The following CYP7B1 variants were observed in gnomAD, a reference collection of about 807,000 sequenced individuals.
The protein encoded by CYP7B1 is cytochrome P450 7B1.
Under a neutral mutation model 42.7 loss-of-function variants are expected in CYP7B1, and 29 were observed. The ratio of observed to expected loss-of-function variants is 0.68; its 90% CI spans 0.51 to 0.93. The LOEUF (loss-of-function observed/expected upper bound fraction) is 0.93. CYP7B1 is among the 40% of genes least tolerant of loss of function. The pLI is 0.00. For missense variants in CYP7B1, 655 were observed against 600.5 expected (o/e 1.09, Z -0.95); for synonymous variants, 235 against 218.2 (o/e 1.08, Z -0.68).
At chr8:64,732,098 C>T (rs1807420460) in intron 1 of CYP7B1, among the ~76,000 whole-genome samples, 1 of 152,192 alleles carries the variant, frequency 6.6e-6, no homozygotes, top group Admixed American at 6.5e-5. Flanking sequence ...TGGGGCACTG[C>T]CTAGTGGAGC....
intron 1 of CYP7B1, among the ~76,000 whole-genome samples, chr8:64,676,983 G>C (rs1806455327): frequency 6.6e-6 from 1 of 152,068 alleles, no homozygotes; most frequent in African/African-American, 2.4e-5. Context: ...ATTGTCAGCT[G>C]ATGAACCGAC....
intron 1 of CYP7B1, among the ~76,000 whole-genome samples, chr8:64,667,529 A>T (rs1806300062): frequency 6.6e-6 from 1 of 152,200 alleles, no homozygotes; most frequent in African/African-American, 2.4e-5. Flanking sequence ...TTGGGTCCTT[A>T]AAACAGATAA....
At position 64,798,668 on chromosome 8, in the gene CYP7B1, CT is replaced by C; in HGVS notation, c.-82del. ...TCGGCGACTCTGCAGCCTGCGGCGG[CT>C]TCTCTCGGCGGCGCCCCCTAGTCCA... On this transcript the variant is annotated 5_prime_UTR_variant, in exon 1 of 6. Coordinates refer to ENST00000310193, the MANE Select transcript of CYP7B1 (RefSeq NM_004820.5). 7.2e-7 allele frequency: 1 copy of C among 1,398,324 alleles called. No individual in the cohort carries two copies. The highest frequency in any genetic ancestry group is 3.3e-5 in the Admixed American group (1 of 30,634). The allele number at this position is 1,398,324 out of a possible 1,614,324, so 86.6% of individuals were successfully genotyped here.
chr8:64,766,489 G>T (rs968685528), intron 1 of CYP7B1, among the ~76,000 whole-genome samples: 1 of 151,864 alleles, frequency 6.6e-6, no homozygotes, highest in African/African-American at 2.4e-5. Flanking sequence ...AGATCAGGAG[G>T]AGCAGGCGGA....
At chr8:64,659,858 T>C (rs149242141) in intron 1 of CYP7B1, among the ~76,000 whole-genome samples, 15 of 152,254 alleles carry the variant, frequency 9.9e-5, no homozygotes, top group Admixed American at 3.9e-4. Context: ...CATCTTGAGT[T>C]TGTAAGAGAT....
In CYP7B1 at chr8:64,743,587, A is replaced by G. The variant is rs185602053; in HGVS notation, c.122+54879T>C. ...GGCTCCTTGGCTTGTCTTCTCACTG[A>G]GTCTTCACCTGACCTTTCCTCCACA... On this transcript the variant is annotated intron_variant, in intron 1 of 5. Transcript: ENST00000310193. Among the ~76,000 whole-genome samples the G allele has an allele frequency of 6.6e-4, 101 of 152,206 alleles. 2 individuals are homozygous for G. The East Asian group carries it at 0.018, about 27-fold the overall frequency.
chr8:64,610,952 AACCTAATAT>A (rs1805354509), intron 4 of CYP7B1, among the ~76,000 whole-genome samples: 1 of 152,184 alleles, frequency 6.6e-6, no homozygotes, highest in Admixed American at 6.5e-5. Flanking sequence ...CTTGACAAAT[AACCTAATAT>A]ACATAAAACA....
chr8:64,621,329 A>C (rs1805526403), intron 2 of CYP7B1, among the ~76,000 whole-genome samples: 1 of 152,242 alleles, frequency 6.6e-6, no homozygotes, highest in South Asian at 2.1e-4. Flanking sequence ...CAATGTATTA[A>C]ATGCTCCTAC....
intron 1 of CYP7B1, among the ~76,000 whole-genome samples, chr8:64,731,614 G>GT (rs1563408146): frequency 1.3e-5 from 2 of 152,200 alleles, no homozygotes; most frequent in African/African-American, 2.4e-5. Flanking sequence ...AGAAATTTGC[G>GT]TAAGTACCAA....
chr8:64,742,837 C>T (rs1807589704), intron 1 of CYP7B1, among the ~76,000 whole-genome samples: 2 of 152,128 alleles, frequency 1.3e-5, no homozygotes, highest in Non-Finnish European at 2.9e-5. Flanking sequence ...AAGTTTTTTC[C>T]TTTGTAACCC....
intron 1 of CYP7B1, among the ~76,000 whole-genome samples, chr8:64,737,664 C>T (rs1807509986): frequency 6.6e-6 from 1 of 152,082 alleles, no homozygotes; most frequent in Non-Finnish European, 1.5e-5. Flanking sequence ...AATATACCTC[C>T]TAGGCTCCTC....
At chr8:64,753,267 C>A (rs1807757060) in intron 1 of CYP7B1, among the ~76,000 whole-genome samples, 1 of 152,150 alleles carries the variant, frequency 6.6e-6, no homozygotes, top group Non-Finnish European at 1.5e-5. Context: ...CAAATACCTA[C>A]TATCTGGGTT....
intron 1 of CYP7B1, among the ~76,000 whole-genome samples, chr8:64,687,541 GT>G (rs1343482652): frequency 6.6e-6 from 1 of 152,138 alleles, no homozygotes; most frequent in Non-Finnish European, 1.5e-5. Flanking sequence ...ATTTTATGAT[GT>G]GTGGATTTTA....
intron 1 of CYP7B1, among the ~76,000 whole-genome samples, chr8:64,709,826 A>G (rs2129632640): frequency 6.6e-6 from 1 of 152,314 alleles, no homozygotes; most frequent in Non-Finnish European, 1.5e-5. Context: ...AAAATTAAGC[A>G]CAATAGATTG....
intron 1 of CYP7B1, among the ~76,000 whole-genome samples, chr8:64,757,557 T>C (rs1807826116): frequency 6.6e-6 from 1 of 152,128 alleles, no homozygotes; most frequent in African/African-American, 2.4e-5. Context: ...GCTACAGAGA[T>C]CAACAATGGT....
intron 1 of CYP7B1, among the ~76,000 whole-genome samples, chr8:64,737,954 G>A (rs1014747445): frequency 2.6e-5 from 4 of 152,098 alleles, no homozygotes; most frequent in African/African-American, 9.7e-5. Context: ...TCAGATGAGA[G>A]ACAACAGAGA....
At chr8:64,722,505 A>G (rs891019765) in intron 1 of CYP7B1, among the ~76,000 whole-genome samples, 1 of 152,082 alleles carries the variant, frequency 6.6e-6, no homozygotes, top group African/African-American at 2.4e-5. Flanking sequence ...ACTAGAAAAA[A>G]TCTAACATAA....
At chr8:64,720,217 G>T (rs2129632848) in intron 1 of CYP7B1, among the ~76,000 whole-genome samples, 1 of 152,126 alleles carries the variant, frequency 6.6e-6, no homozygotes, top group East Asian at 1.9e-4. Flanking sequence ...ATAACAGAAT[G>T]CAAAGCTGAA....
intron 1 of CYP7B1, among the ~76,000 whole-genome samples, chr8:64,681,392 G>A (rs992539204): frequency 6.6e-6 from 1 of 152,096 alleles, no homozygotes; most frequent in Admixed American, 6.5e-5. Flanking sequence ...CCAGCCAAAG[G>A]ACCCCTGAGA....
Sources: allele counts gnomAD v4.1 joint callset (sites outside exome capture counted in the v4.1 genomes callset), GRCh38; gene constraint gnomAD v4.1.1; transcripts MANE v1.5; gene names NCBI Gene and HGNC (gene_info 2026-07-23, HGNC 2026-07-21).